UBTD2: variants seen among roughly 807,000 people sequenced by gnomAD.
UBTD2 encodes the protein ubiquitin domain-containing protein 2.
Under a neutral mutation model 19.8 loss-of-function variants are expected in UBTD2, and 9 were observed. The observed-to-expected ratio is 0.46, with a 90% confidence interval of 0.27 to 0.79. The LOEUF is 0.79. Ranked by LOEUF, UBTD2 falls within the 30% of genes least tolerant of loss-of-function variation. UBTD2 has a pLI of 0.14. For synonymous variants in UBTD2, 98 were observed against 103.9 expected (o/e 0.94, Z 0.35); for missense variants, 250 against 300.4 (o/e 0.83, Z 1.24).
chr5:172,253,603 G>A (rs111450491), intron 1 of UBTD2, among the ~76,000 whole-genome samples: 32 of 152,034 alleles, frequency 2.1e-4, no homozygotes, highest in African/African-American at 6.0e-4. Context: ...ACAGGCACGC[G>A]CCACCACGCC....
Position 172,283,740 on chromosome 5 carries a change from C to T in UBTD2, c.-75G>A. 1 of 1,073,864 alleles carries T rather than the reference C, an allele frequency of 9.3e-7. No individual in the cohort carries two copies. The highest frequency in any genetic ancestry group is 1.2e-6 in the Non-Finnish European group (1 of 864,710). 66.5% of individuals were successfully genotyped at this position (1,073,864 alleles called of 1,614,324 possible). Reference sequence around the variant, plus strand: ...GCCGCCGCCGCCGCTGCAGCCTCCTCCGGCGCCACCGCCGAGCTCCGGACA... The same window carrying T: ...GCCGCCGCCGCCGCTGCAGCCTCCTTCGGCGCCACCGCCGAGCTCCGGACA... On this transcript the variant is annotated 5_prime_UTR_variant, in exon 1 of 3. Transcript: ENST00000393792. This position sits in a 1 kb window ranked among gnomAD's most constrained non-coding sequence, Gnocchi z 4.3.
intron 2 of UBTD2, among the ~76,000 whole-genome samples, chr5:172,215,055 CTG>C (rs966129054): frequency 5.3e-5 from 8 of 152,204 alleles, no homozygotes; most frequent in African/African-American, 1.9e-4. Context: ...GCTGAAATCT[CTG>C]TGGAACCAGT....
At chr5:172,281,726 A>G (rs975923549) in intron 1 of UBTD2, among the ~76,000 whole-genome samples, 1 of 152,206 alleles carries the variant, frequency 6.6e-6, no homozygotes, top group African/African-American at 2.4e-5. Flanking sequence ...GGAGAATAAA[A>G]GCGTCCATAA....
intron 1 of UBTD2, among the ~76,000 whole-genome samples, chr5:172,241,825 C>A (rs1156931449): frequency 7.2e-5 from 11 of 152,100 alleles, no homozygotes; most frequent in Non-Finnish European, 1.3e-4. Context: ...AACCAGCCAG[C>A]CTGGCCAACA....
rs1246978853 is a variant in UBTD2 at position 172,211,907 on chromosome 5, G to C, written c.628C>G (p.Leu210Val). 2 of 1,614,200 alleles carry C rather than the reference G, an allele frequency of 1.2e-6. No individual in the cohort carries two copies. Among genetic ancestry groups the C allele is most frequent in the Admixed American group, 1.7e-5 (1 of 60,018 alleles). Reference sequence around the variant, plus strand: ...ACAACATAGTCCTTTGGGATCTTCAGCTCTTCGAACTTCATTTTGTCAGTG... The same window carrying C: ...ACAACATAGTCCTTTGGGATCTTCACCTCTTCGAACTTCATTTTGTCAGTG... Reference protein sequence around the residue: ...PLTDKMKFEELKIPKDYVVQV... With the variant: ...PLTDKMKFEEVKIPKDYVVQV... The change falls in exon 3 of 3, where the codon CTG (leucine) becomes GTG (valine). Residue 210 changes from leucine (L) to valine (V), a missense_variant. Coordinates refer to ENST00000393792, the MANE Select transcript of UBTD2 (RefSeq NM_152277.3).
At chr5:172,255,452 G>A (rs1755121337) in intron 1 of UBTD2, 3 of 459,910 alleles carry the variant, frequency 6.5e-6, no homozygotes, top group South Asian at 5.4e-5. Flanking sequence ...AAACCTTCTA[G>A]GGTGCTCTGG....
intron 2 of UBTD2, among the ~76,000 whole-genome samples, chr5:172,220,074 A>G (rs1359389682): frequency 6.6e-6 from 1 of 152,222 alleles, no homozygotes; most frequent in African/African-American, 2.4e-5. Flanking sequence ...ATAGACTGAA[A>G]AATCCTCAAC....
chr5:172,250,737 A>C (rs2113062228), intron 1 of UBTD2, among the ~76,000 whole-genome samples: 1 of 152,138 alleles, frequency 6.6e-6, no homozygotes, highest in Non-Finnish European at 1.5e-5. Context: ...ACATCCTTCC[A>C]GCCTGGACAA....
At chr5:172,216,625 AG>A (rs1312923804) in intron 2 of UBTD2, among the ~76,000 whole-genome samples, 16 of 124,646 alleles carry the variant, frequency 1.3e-4, no homozygotes, top group Admixed American at 1.2e-3. Flanking sequence ...AAAAAGCCAG[AG>A]GGGGGAAAAA....
chr5:172,283,691 ACCTCCGGACGCTCGTCCGGGCCCGCCG>A lies in UBTD2; in HGVS notation c.-53_-27del. 2 of 1,220,590 alleles carry A rather than the reference ACCTCCGGACGCTCGTCCGGGCCCGCCG, an allele frequency of 1.6e-6. No individual in the cohort carries two copies. Among genetic ancestry groups the A allele is most frequent in the Non-Finnish European group, 2.0e-6 (2 of 978,786 alleles). 75.6% of individuals were successfully genotyped at this position (1,220,590 alleles called of 1,614,324 possible). On this transcript the variant is annotated 5_prime_UTR_variant, in exon 1 of 3. Coordinates refer to ENST00000393792, the MANE Select transcript of UBTD2 (RefSeq NM_152277.3). The surrounding 1 kb of genome is among the most constrained non-coding windows in gnomAD (Gnocchi z 4.3). ...GGGGGCCCCCGGCGCCTCGTCCGCC[ACCTCCGGACGCTCGTCCGGGCCCGCCG>A]CCGCCGCCGCTGCAGCCTCCTCCGG...
chr5:172,263,988 T>C (rs1197056144), intron 1 of UBTD2, among the ~76,000 whole-genome samples: 9 of 152,056 alleles, frequency 5.9e-5, no homozygotes, highest in Admixed American at 2.6e-4. Flanking sequence ...ACACCTAGGC[T>C]CTAATTTTTA....
intron 1 of UBTD2, among the ~76,000 whole-genome samples, chr5:172,237,088 A>C (rs1188706460): frequency 6.6e-6 from 1 of 152,036 alleles, no homozygotes; most frequent in African/African-American, 2.4e-5. Context: ...ATTTTCTTTA[A>C]TTTTTAAATT....
intron 2 of UBTD2, 96 bp from the exon 3 acceptor site, chr5:172,212,323 G>T: frequency 2.3e-6 from 3 of 1,324,396 alleles, no homozygotes; most frequent in Non-Finnish European, 3.1e-6. Flanking sequence ...TGCTAGCATG[G>T]CACTGTAGAG....
intron 2 of UBTD2, among the ~76,000 whole-genome samples, chr5:172,224,730 C>T (rs1771727858): frequency 6.6e-6 from 1 of 152,142 alleles, no homozygotes; most frequent in African/African-American, 2.4e-5. Flanking sequence ...CCCCCTCAGC[C>T]CTGTGGAACT....
chr5:172,215,398 C>A (rs1437392917), intron 2 of UBTD2, among the ~76,000 whole-genome samples: 2 of 152,194 alleles, frequency 1.3e-5, no homozygotes, highest in Non-Finnish European at 2.9e-5. Flanking sequence ...CCCCTTCTAG[C>A]CATCTTGTCC....
intron 2 of UBTD2, among the ~76,000 whole-genome samples, chr5:172,214,048 G>A (rs866562474): frequency 6.6e-6 from 1 of 152,374 alleles, no homozygotes; most frequent in East Asian, 1.9e-4. Flanking sequence ...GCCTCCCAAA[G>A]TGTTGGGATC....
rs567439765 is a variant in UBTD2, at chr5:172,253,652, C to T, written c.71-19294G>A. On this transcript the variant is annotated intron_variant, in intron 1 of 2. Coordinates refer to ENST00000393792, the MANE Select transcript of UBTD2 (RefSeq NM_152277.3). ...TATTTTTAGTACAGATGGGGTTTCA[C>T]GTTTTTGGCCAGGATGGTCTCGATT... is the stretch of plus-strand genomic sequence containing the variant. Among the ~76,000 whole-genome samples, 19 of 152,054 alleles carry T rather than the reference C, an allele frequency of 1.2e-4. No homozygotes were observed. The South Asian group carries it at 4.0e-3, about 32-fold the overall frequency.
chr5:172,270,952 T>C (rs1258562551), intron 1 of UBTD2, among the ~76,000 whole-genome samples: 1 of 152,200 alleles, frequency 6.6e-6, no homozygotes, highest in East Asian at 1.9e-4. Flanking sequence ...GGTCTACTTA[T>C]GGCAATCCTG....
intron 2 of UBTD2, among the ~76,000 whole-genome samples, chr5:172,213,562 A>G (rs1440753722): frequency 3.3e-5 from 5 of 152,236 alleles, no homozygotes; most frequent in Admixed American, 3.3e-4. Context: ...AGGTTTTAAA[A>G]AAATGCATTA....
Sources: gnomAD v4.1 joint callset for allele counts (sites outside exome capture counted in the v4.1 genomes callset) on GRCh38, gnomAD v4.1.1 for gene constraint, Gnocchi (gnomAD v3.1) non-coding constraint, MANE v1.5 for transcripts, NCBI Gene and HGNC (gene_info 2026-07-23, HGNC 2026-07-21) for gene names.